SCAF8: variants seen among roughly 807,000 people sequenced by gnomAD.
SCAF8 encodes the protein SR-related CTD associated factor 8.
In SCAF8, 23 loss-of-function variants were observed where a neutral mutation model predicts 140.5. That is an observed-to-expected ratio of 0.16 (90% CI 0.12 to 0.23). The LOEUF (loss-of-function observed/expected upper bound fraction) is 0.23, where lower values mean the gene tolerates loss of function less well. Ranked by LOEUF, SCAF8 falls within the 10% of genes least tolerant of loss-of-function variation. SCAF8 has a pLI of 1.00. For synonymous variants in SCAF8, 575 were observed against 528.9 expected (o/e 1.09, Z -1.20); for missense variants, 1,397 against 1,555.7 (o/e 0.90, Z 1.72).
rs2114702221 is a variant in SCAF8 at position 154,832,691 on chromosome 6, G to A, written c.3112G>A (p.Val1038Met). 1.2e-6 allele frequency: 2 copies of A among 1,614,030 alleles called. No individual in the cohort carries two copies. Among genetic ancestry groups the A allele is most frequent in the Non-Finnish European group, 1.7e-6 (2 of 1,179,984 alleles). ...SRPPPVDVRD[V>M]VGRPIDPREG... is the part of the protein sequence containing the mutation. Reference sequence around the variant, plus strand: ...ACCTCCCCCTGTGGATGTTAGAGATGTGGTTGGGCGGCCTATAGATCCAAG... The same window carrying A: ...ACCTCCCCCTGTGGATGTTAGAGATATGGTTGGGCGGCCTATAGATCCAAG... The change falls in exon 20 of 20, where the codon GTG (valine) becomes ATG (methionine). Residue 1038 changes from valine (V) to methionine (M), a missense_variant. Transcript: ENST00000367178.
At chr6:154,783,190 T>C (rs1302843830) in intron 3 of SCAF8, among the ~76,000 whole-genome samples, 2 of 152,220 alleles carry the variant, frequency 1.3e-5, no homozygotes, top group Non-Finnish European at 2.9e-5. Flanking sequence ...TCCAAAAATA[T>C]GTAGAGTTTA....
chr6:154,788,519 CAGAG>C (rs760852290), intron 4 of SCAF8, among the ~76,000 whole-genome samples: 2 of 152,110 alleles, frequency 1.3e-5, no homozygotes, highest in African/African-American at 4.8e-5. Flanking sequence ...ATTTCTCAAA[CAGAG>C]AGTATAGAAA....
chr6:154,741,975 C>T, intron 1 of SCAF8: 1 of 1,533,688 alleles, frequency 6.5e-7, no homozygotes, highest in Admixed American at 2.0e-5. Context: ...TCTACTCCTG[C>T]TTGTACAGAC....
chr6:154,781,786 A>G (rs1337343686), intron 3 of SCAF8, among the ~76,000 whole-genome samples: 1 of 152,142 alleles, frequency 6.6e-6, no homozygotes, highest in Non-Finnish European at 1.5e-5. Context: ...TGTGAATGTA[A>G]GTTTACATTT....
At chr6:154,823,073 A>G (rs913501705) in intron 16 of SCAF8, among the ~76,000 whole-genome samples, 2 of 152,200 alleles carry the variant, frequency 1.3e-5, no homozygotes, top group African/African-American at 4.8e-5. Flanking sequence ...CTGATAATGA[A>G]CATTCTGTTC....
At chr6:154,797,931 T>C (rs1245252376) in intron 6 of SCAF8, among the ~76,000 whole-genome samples, 1 of 151,456 alleles carries the variant, frequency 6.6e-6, no homozygotes, top group Non-Finnish European at 1.5e-5. Flanking sequence ...CTTCTCCAAT[T>C]TTCATACGTC....
chr6:154,763,266 G>C (rs1009767047), intron 1 of SCAF8, among the ~76,000 whole-genome samples: 1 of 152,152 alleles, frequency 6.6e-6, no homozygotes, highest in African/African-American at 2.4e-5. Flanking sequence ...TTAGCATGCT[G>C]TCTTGAATTC....
chr6:154,756,873 C>G (rs1328732592), intron 1 of SCAF8, among the ~76,000 whole-genome samples: 2 of 152,038 alleles, frequency 1.3e-5, no homozygotes, highest in African/African-American at 2.4e-5. Flanking sequence ...ACAAGAAATA[C>G]AAAAATTAGC....
At chr6:154,780,158 C>T (rs554303471) in intron 3 of SCAF8, among the ~76,000 whole-genome samples, 19 of 152,066 alleles carry the variant, frequency 1.2e-4, no homozygotes, top group Admixed American at 2.0e-4. Context: ...TAGTCATACT[C>T]GACTCACCTC....
At chr6:154,750,155 A>G (rs968239008) in intron 1 of SCAF8, among the ~76,000 whole-genome samples, 2 of 152,112 alleles carry the variant, frequency 1.3e-5, no homozygotes, top group African/African-American at 2.4e-5. Flanking sequence ...CACCAAGAAT[A>G]AAAGAAAGAT....
chr6:154,734,218 C>G (rs1035199946), intron 1 of SCAF8, among the ~76,000 whole-genome samples: 3 of 152,156 alleles, frequency 2.0e-5, no homozygotes, highest in Admixed American at 2.0e-4. Flanking sequence ...GGGCCCTCAC[C>G]CGGAGACTCC....
At chr6:154,806,521 A>T (rs1777919424) in intron 9 of SCAF8, among the ~76,000 whole-genome samples, 1 of 152,204 alleles carries the variant, frequency 6.6e-6, no homozygotes, top group South Asian at 2.1e-4. Context: ...CTCTTCTCTA[A>T]TGGAGCACGT....
Position 154,787,839 on chromosome 6 carries a change from T to C in SCAF8, c.160-22T>C, listed in dbSNP as rs201218132. The C allele has an allele frequency of 1.6e-4, 258 of 1,578,186 alleles. No homozygotes were observed. In the East Asian group the frequency reaches 4.3e-3, roughly 26 times the overall value. On this transcript the variant is annotated intron_variant, in intron 3 of 19. Transcript: ENST00000367178. ...TTTACCTTTCCGTTTCCTTTCCTTT[T>C]CATTCTTCTTTTTTTCATCAGTGTA...
At chr6:154,785,628 A>G (rs936602379) in intron 3 of SCAF8, among the ~76,000 whole-genome samples, 6 of 152,200 alleles carry the variant, frequency 3.9e-5, no homozygotes, top group Non-Finnish European at 5.9e-5. Flanking sequence ...TTGTCTTTAA[A>G]TTAATATCAC....
chr6:154,745,588 T>A (rs1038764868), intron 1 of SCAF8, among the ~76,000 whole-genome samples: 1 of 152,110 alleles, frequency 6.6e-6, no homozygotes, highest in African/African-American at 2.4e-5. Context: ...TTGCTCAGGC[T>A]GGGGTGTTAA....
chr6:154,759,728 C>T (rs1199227182), intron 1 of SCAF8, among the ~76,000 whole-genome samples: 5 of 142,878 alleles, frequency 3.5e-5, no homozygotes, highest in Non-Finnish European at 7.5e-5. Context: ...TGAAGTGGTG[C>T]GATCTTGGCT....
intron 1 of SCAF8, among the ~76,000 whole-genome samples, chr6:154,744,728 A>G (rs905464550): frequency 2.0e-5 from 3 of 152,324 alleles, no homozygotes; most frequent in African/African-American, 7.2e-5. Context: ...TAATGTCCAA[A>G]TACAAATTTA....
intron 9 of SCAF8, among the ~76,000 whole-genome samples, chr6:154,807,790 C>G (rs1437512297): frequency 6.6e-6 from 1 of 152,188 alleles, no homozygotes; most frequent in Non-Finnish European, 1.5e-5. Flanking sequence ...TATTAGTCCT[C>G]TGTAGTTTAT....
At position 154,831,101 on chromosome 6, in the gene SCAF8, A is replaced by G. The variant is rs754810948; in HGVS notation, c.2320A>G (p.Ile774Val). The stretch of plus-strand genomic sequence containing the variant: ...GCCTGAAGAAAAAGTACCTCATCTT[A>G]TAGACCACCAGATTTCTTCTGGTGA... ...AEPEEKVPHL[I>V]DHQISSGENT... Residue 774 changes from isoleucine to valine, a missense_variant, in exon 19 of 20, where the codon ATA becomes GTA. Coordinates refer to ENST00000367178, the MANE Select transcript of SCAF8 (RefSeq NM_014892.5). 16 of 1,613,052 alleles carry G rather than the reference A, an allele frequency of 9.9e-6. No individual in the cohort carries two copies. Among genetic ancestry groups the G allele is most frequent in the African/African-American group, 4.0e-5 (3 of 75,032 alleles).
Sources: allele counts gnomAD v4.1 joint callset (sites outside exome capture counted in the v4.1 genomes callset), GRCh38; gene constraint gnomAD v4.1.1; transcripts MANE v1.5; gene names NCBI Gene and HGNC (gene_info 2026-07-23, HGNC 2026-07-21).